ANO3: variants seen among roughly 807,000 people sequenced by gnomAD.
ANO3 encodes the protein anoctamin-3.
In ANO3, 99 loss-of-function variants were observed where a neutral mutation model predicts 144.8. The observed-to-expected ratio is 0.68, with a 90% CI of 0.58 to 0.81. ANO3 has a LOEUF of 0.81. Among genes scored for constraint, ANO3 ranks in the 30% least tolerant of loss-of-function variants. ANO3 has a pLI of 0.00. For synonymous variants in ANO3, 414 were observed against 392.6 expected (o/e 1.05, Z -0.64); for missense variants, 905 against 1,202.2 (o/e 0.75, Z 3.66).
intron 1 of ANO3, among the ~76,000 whole-genome samples, chr11:26,403,218 C>G (rs1857194735): frequency 6.6e-6 from 1 of 151,898 alleles, no homozygotes; most frequent in Non-Finnish European, 1.5e-5. Flanking sequence ...AAGAGTATCT[C>G]ATGGTGGGTA....
At chr11:26,366,750 G>A (rs1449615098) in intron 1 of ANO3, among the ~76,000 whole-genome samples, 2 of 149,282 alleles carry the variant, frequency 1.3e-5, no homozygotes, top group African/African-American at 5.1e-5. Context: ...ATTTTTTCAT[G>A]TGTCTGTTGG....
At chr11:26,616,075 A>C (rs879632221) in intron 17 of ANO3, among the ~76,000 whole-genome samples, 7 of 152,268 alleles carry the variant, frequency 4.6e-5, no homozygotes, top group Non-Finnish European at 7.4e-5. Flanking sequence ...CAGTAATCTT[A>C]TTTTTAAAAT....
At position 26,448,470 on chromosome 11, in the gene ANO3, A is replaced by G. The variant is rs374697944; in HGVS notation, c.313+4634A>G. ...TTCATATTAGAGTTCTGAAACATTT[A>G]TTTGCTTTCTACAAACATAATAGTT... On this transcript the variant is annotated intron_variant, in intron 3 of 26. Transcript: ENST00000256737. Among the ~76,000 whole-genome samples the G allele has an allele frequency of 6.0e-4, 92 of 152,278 alleles. No individual in the cohort carries two copies. The East Asian group carries it at 6.4e-3, about 11-fold the overall frequency.
chr11:26,558,599 A>G (rs905010513), intron 13 of ANO3, among the ~76,000 whole-genome samples: 1 of 152,124 alleles, frequency 6.6e-6, no homozygotes, highest in African/African-American at 2.4e-5. Flanking sequence ...TGAATTTTAG[A>G]GCCATATGGG....
intron 1 of ANO3, among the ~76,000 whole-genome samples, chr11:26,404,597 T>C (rs1487557457): frequency 6.6e-6 from 1 of 151,846 alleles, no homozygotes; most frequent in African/African-American, 2.4e-5. Flanking sequence ...GTAGCAGTAA[T>C]CACAGGAGCA....
In ANO3 at chr11:26,655,643, G is replaced by T. The variant is rs541679597; in HGVS notation, c.2577-482G>T. 3.3e-5 allele frequency among the ~76,000 whole-genome samples: 5 copies of T among 152,122 alleles called. No individual in the cohort carries two copies. In the South Asian group the frequency reaches 1.0e-3, roughly 32 times the overall value. On this transcript the variant is annotated intron_variant, in intron 24 of 26. Transcript: ENST00000256737. ...TAGAATGTAAGCTACACAGGGATAGGGGTTTTTGCCTGTTTTGTTCACTGT... is the reference window on the plus strand; with the variant it reads ...TAGAATGTAAGCTACACAGGGATAGTGGTTTTTGCCTGTTTTGTTCACTGT...
chr11:26,332,078 T>C (rs1855059408), upstream of ANO3: 2 of 1,441,394 alleles, frequency 1.4e-6, no homozygotes, highest in Admixed American at 2.7e-5. Context: ...AGCCGGACGC[T>C]AGACCGCCCT....
chr11:26,354,696 A>G (rs1162110892), intron 1 of ANO3, among the ~76,000 whole-genome samples: 1 of 152,052 alleles, frequency 6.6e-6, no homozygotes, highest in African/African-American at 2.4e-5. Context: ...TTCCTGTTGA[A>G]TTATTTGAAA....
intron 5 of ANO3, among the ~76,000 whole-genome samples, chr11:26,510,426 G>A (rs1565070495): frequency 6.6e-6 from 1 of 151,020 alleles, no homozygotes; most frequent in Admixed American, 6.6e-5. Flanking sequence ...AGTACTTATT[G>A]AAAAAAAAAT....
chr11:26,382,545 G>A (rs557783419), intron 1 of ANO3, among the ~76,000 whole-genome samples: 10 of 152,154 alleles, frequency 6.6e-5, no homozygotes, highest in African/African-American at 9.6e-5. Flanking sequence ...ATTTTTTAAA[G>A]CTTGGTACCT....
At chr11:26,295,688 C>G (rs1024256615) in intron 1 of ANO3, among the ~76,000 whole-genome samples, 9 of 151,758 alleles carry the variant, frequency 5.9e-5, no homozygotes, top group African/African-American at 1.9e-4. Context: ...AATAGAGCAC[C>G]TCATATCTCC....
chr11:26,534,590 G>C, intron 9 of ANO3, 28 bp downstream of exon 9: 1 of 1,478,038 alleles, frequency 6.8e-7, no homozygotes, highest in Non-Finnish European at 9.4e-7. Flanking sequence ...TAACAGAGTA[G>C]AACTTGCTGT....
At chr11:26,380,256 T>C (rs899897732) in intron 1 of ANO3, among the ~76,000 whole-genome samples, 9 of 152,236 alleles carry the variant, frequency 5.9e-5, no homozygotes, top group African/African-American at 9.6e-5. Context: ...ATTATTCTTA[T>C]TTTGATATTT....
At chr11:26,223,602 T>TAA (rs58028308) in intron 1 of ANO3, among the ~76,000 whole-genome samples, 4,154 of 103,738 alleles carry the variant, frequency 0.04, 240 homozygotes, top group East Asian at 0.31. Context: ...AGCTTTTTAA[T>TAA]AAAAAAAAAA....
At chr11:26,428,403 C>CA (rs1424155595) in intron 1 of ANO3, among the ~76,000 whole-genome samples, 2 of 152,086 alleles carry the variant, frequency 1.3e-5, no homozygotes, top group East Asian at 1.9e-4. Flanking sequence ...AAGCTTCTGA[C>CA]AAAAAAGCAA....
At chr11:26,390,890 A>G (rs1175241236) in intron 1 of ANO3, among the ~76,000 whole-genome samples, 1 of 152,104 alleles carries the variant, frequency 6.6e-6, no homozygotes, top group Non-Finnish European at 1.5e-5. Flanking sequence ...GGCAAGTTCC[A>G]TAACCATCTT....
chr11:26,656,031 T>A, intron 24 of ANO3, 94 bp from the exon 25 acceptor site: 1 of 992,200 alleles, frequency 1.0e-6, no homozygotes, highest in Non-Finnish European at 1.5e-6. Flanking sequence ...ATGGAAAGAA[T>A]AATACATTTG....
intron 1 of ANO3, among the ~76,000 whole-genome samples, chr11:26,414,954 G>C (rs1857537479): frequency 6.6e-6 from 1 of 151,804 alleles, no homozygotes; most frequent in Non-Finnish European, 1.5e-5. Context: ...CTTTCGTCCT[G>C]AGCCACTCAC....
chr11:26,595,794 C>CT (rs1032261925), intron 14 of ANO3, among the ~76,000 whole-genome samples: 9 of 152,268 alleles, frequency 5.9e-5, no homozygotes, highest in African/African-American at 1.9e-4. Flanking sequence ...TAGCCGCATA[C>CT]TTTAAGATTT....
Sources: gnomAD v4.1 joint callset for allele counts (sites outside exome capture counted in the v4.1 genomes callset) on GRCh38, gnomAD v4.1.1 for gene constraint, MANE v1.5 for transcripts, NCBI Gene and HGNC (gene_info 2026-07-23, HGNC 2026-07-21) for gene names.